Variants in ZNF829 observed in about 807,000 individuals in gnomAD.
The protein encoded by ZNF829 is zinc finger protein 829.
A neutral mutation model predicts 35.2 loss-of-function variants in ZNF829; 25 were observed. That is an observed-to-expected ratio of 0.71 (90% CI 0.52 to 0.99). ZNF829 has a LOEUF of 0.99. Ranked by LOEUF, ZNF829 falls within the 50% of genes least tolerant of loss-of-function variation. The pLI is 0.00. For missense variants in ZNF829, 417 were observed against 515.3 expected (o/e 0.81, Z 1.85); for synonymous variants, 136 against 163.2 (o/e 0.83, Z 1.27).
intron 3 of ZNF829, among the ~76,000 whole-genome samples, chr19:36,914,398 A>C (rs940770719): frequency 1.3e-5 from 2 of 152,176 alleles, no homozygotes; most frequent in African/African-American, 4.8e-5. Flanking sequence ...ATGAGTAAAG[A>C]TTTGAACTGA....
At chr19:36,913,467 TTTA>T (rs1255308819) in intron 3 of ZNF829, among the ~76,000 whole-genome samples, 1 of 152,114 alleles carries the variant, frequency 6.6e-6, no homozygotes, top group Non-Finnish European at 1.5e-5. Flanking sequence ...TAAAGATATT[TTTA>T]TTATTACTTG....
chr19:36,900,227 GT>G (rs1475007378), intron 5 of ZNF829, among the ~76,000 whole-genome samples: 3 of 150,504 alleles, frequency 2.0e-5, no homozygotes, highest in Non-Finnish European at 4.4e-5. Context: ...GTATGTGCCT[GT>G]AGTCCAAACT....
chr19:36,913,951 C>A (rs927474771), intron 3 of ZNF829, among the ~76,000 whole-genome samples: 50 of 152,088 alleles, frequency 3.3e-4, no homozygotes, highest in Non-Finnish European at 3.7e-4. Context: ...TAAACATACC[C>A]ATGCACATAT....
At chr19:36,895,595 C>G (rs982727260) in intron 5 of ZNF829, among the ~76,000 whole-genome samples, 2 of 151,942 alleles carry the variant, frequency 1.3e-5, no homozygotes, top group Non-Finnish European at 2.9e-5. Flanking sequence ...AAATATGACT[C>G]ACCTATATAC....
intron 1 of ZNF829, chr19:36,915,688 C>T (rs2073316239): frequency 1.5e-6 from 1 of 655,540 alleles, no homozygotes; most frequent in Non-Finnish European, 2.6e-6. Flanking sequence ...ACCTCCGCCT[C>T]CCGGGTTCAA....
intron 5 of ZNF829, among the ~76,000 whole-genome samples, chr19:36,903,209 T>C (rs1028932081): frequency 6.6e-6 from 1 of 152,222 alleles, no homozygotes; most frequent in Non-Finnish European, 1.5e-5. Flanking sequence ...TATTAAAACA[T>C]TGATTTCTAA....
At chr19:36,902,102 A>C (rs955719131) in intron 5 of ZNF829, 7 of 468,006 alleles carry the variant, frequency 1.5e-5, no homozygotes, top group Non-Finnish European at 2.7e-5. Context: ...ACAGACAGTC[A>C]ATGTGGATGA....
intron 5 of ZNF829, among the ~76,000 whole-genome samples, chr19:36,894,816 G>T (rs567605847): frequency 2.0e-5 from 3 of 152,112 alleles, no homozygotes; most frequent in Non-Finnish European, 4.4e-5. Flanking sequence ...ACATCATAAA[G>T]CAACCAAATA....
chr19:36,902,101 C>A, intron 5 of ZNF829: 47 of 375,840 alleles, frequency 1.3e-4, no homozygotes, highest in Non-Finnish European at 1.8e-4. Context: ...TACAGACAGT[C>A]AATGTGGATG....
intron 5 of ZNF829, among the ~76,000 whole-genome samples, chr19:36,900,987 C>T (rs765911412): frequency 6.6e-6 from 1 of 152,056 alleles, no homozygotes; most frequent in African/African-American, 2.4e-5. Flanking sequence ...TGGCTAAACA[C>T]AGAGTTATGA....
rs1414685924 is a variant in ZNF829 at position 36,890,420 on chromosome 19, T to C, written c.*1072A>G. 1 of 152,226 alleles carries C rather than the reference T, an allele frequency of 6.6e-6. No homozygotes were observed. Among genetic ancestry groups the C allele is most frequent in the Non-Finnish European group, 1.5e-5 (1 of 68,082 alleles). 9.4% of individuals were successfully genotyped at this position (152,226 alleles called of 1,614,324 possible). ...ATCTCTTTTCTTAGGTCTAGTAGTATCTGTGTTATGGATCTGGGTGTTGCA... is the reference window on the plus strand; with the variant it reads ...ATCTCTTTTCTTAGGTCTAGTAGTACCTGTGTTATGGATCTGGGTGTTGCA... On this transcript the variant is annotated 3_prime_UTR_variant, in exon 6 of 6. Transcript: ENST00000391711.
At chr19:36,900,139 C>G (rs886700987) in intron 5 of ZNF829, among the ~76,000 whole-genome samples, 5 of 138,248 alleles carry the variant, frequency 3.6e-5, no homozygotes, top group African/African-American at 1.4e-4. Flanking sequence ...AACTCTGTCT[C>G]TACTAAACAC....
intron 3 of ZNF829, among the ~76,000 whole-genome samples, chr19:36,913,529 C>T (rs2073281296): frequency 6.6e-6 from 1 of 152,246 alleles, no homozygotes; most frequent in Non-Finnish European, 1.5e-5. Flanking sequence ...CCACTGCCCC[C>T]TCCTGAGATG....
At position 36,890,207 on chromosome 19, in the gene ZNF829, C is replaced by T. The variant is rs2073036763; in HGVS notation, c.*1285G>A. ...TATATGACCTATTTTTGAGAATGTT[C>T]CATGCACAGAAGAGAAGAGTATATA... On this transcript the variant is annotated 3_prime_UTR_variant, in exon 6 of 6. Coordinates refer to ENST00000391711, the MANE Select transcript of ZNF829 (RefSeq NM_001037232.4). The T allele has an allele frequency of 6.6e-6, 1 of 151,990 alleles. No individual in the cohort carries two copies. Among genetic ancestry groups the T allele is most frequent in the Admixed American group, 6.6e-5 (1 of 15,250 alleles). 9.4% of individuals were successfully genotyped at this position (151,990 alleles called of 1,614,324 possible).
intron 5 of ZNF829, among the ~76,000 whole-genome samples, chr19:36,894,377 T>C (rs1470854805): frequency 1.3e-5 from 2 of 151,902 alleles, no homozygotes; most frequent in Admixed American, 6.6e-5. Flanking sequence ...AATGTAAGGA[T>C]AAAAGAAACA....
chr19:36,898,049 G>A (rs922931859), intron 5 of ZNF829, among the ~76,000 whole-genome samples: 4 of 152,066 alleles, frequency 2.6e-5, no homozygotes, highest in Admixed American at 6.6e-5. Flanking sequence ...GGCACCTGTG[G>A]TCCCACCTAC....
chr19:36,914,856 A>C lies in ZNF829; in HGVS notation c.96+109T>G, dbSNP rs765911285. 924 of 978,794 alleles carry C rather than the reference A, an allele frequency of 9.4e-4. 3 individuals are homozygous for C. Among genetic ancestry groups the C allele is most frequent in the Non-Finnish European group, 1.2e-3 (735 of 632,704 alleles). The allele number at this position is 978,794 out of a possible 1,614,324, so 60.6% of individuals were successfully genotyped here. A position where few individuals can be genotyped will look rare whatever the true frequency, so the allele number is the denominator to read the frequency against. Reference sequence around the variant, plus strand: ...TTGAGAAGAAAATTCAGCAAGCATAAGTGGAGCAACCATCCTTTTCTGTGA... The same window carrying C: ...TTGAGAAGAAAATTCAGCAAGCATACGTGGAGCAACCATCCTTTTCTGTGA... On this transcript the variant is annotated intron_variant, in intron 3 of 5. Coordinates refer to ENST00000391711, the MANE Select transcript of ZNF829 (RefSeq NM_001037232.4).
In ZNF829 at chr19:36,891,675, T is replaced by G; in HGVS notation, c.1116A>C (p.Arg372Ser). Residue 372 changes from arginine (R) to serine (S), a missense_variant, in exon 6 of 6, where the codon AGA becomes AGC. Coordinates refer to ENST00000391711, the MANE Select transcript of ZNF829 (RefSeq NM_001037232.4). ...CATATGGTTTTTCATCTGTATGGAT[T>G]CTCTGATGTTGAATAAGTTCTGAGC... ...IQSSELIQHQRIHTDEKPYEC... is the reference protein window; with the variant it reads ...IQSSELIQHQSIHTDEKPYEC... The G allele has an allele frequency of 6.2e-7, 1 of 1,613,734 alleles. No homozygotes were observed. Among genetic ancestry groups the G allele is most frequent in the Non-Finnish European group, 8.5e-7 (1 of 1,179,880 alleles).
chr19:36,913,822 A>AAAAAC (rs1398266834), intron 3 of ZNF829, among the ~76,000 whole-genome samples: 2 of 152,350 alleles, frequency 1.3e-5, no homozygotes, highest in African/African-American at 4.8e-5. Flanking sequence ...ACAGAAAGCC[A>AAAAAC]AAAACAAAAC....
Sources: gnomAD v4.1 joint callset for allele counts (sites outside exome capture counted in the v4.1 genomes callset) on GRCh38, gnomAD v4.1.1 for gene constraint, MANE v1.5 for transcripts, NCBI Gene and HGNC (gene_info 2026-07-23, HGNC 2026-07-21) for gene names.